The following PDCD6IP variants were observed in gnomAD, a reference collection of about 807,000 sequenced individuals.
PDCD6IP encodes programmed cell death 6-interacting protein.
PDCD6IP carries 43 observed loss-of-function variants against 103.7 expected under a neutral mutation model. That is an observed-to-expected ratio of 0.41 (90% CI 0.32 to 0.53). The LOEUF is 0.53. Ranked by LOEUF, PDCD6IP falls within the 20% of genes least tolerant of loss-of-function variation. The pLI is 0.16. For missense variants in PDCD6IP, 871 were observed against 1,036.7 expected, an observed-to-expected ratio of 0.84 and a Z score of 2.20; for synonymous variants, 354 against 378.7, an observed-to-expected ratio of 0.93 and a Z score of 0.76.
chr3:33,827,873 A>G (rs896848473), intron 6 of PDCD6IP: 1 of 152,308 alleles, frequency 6.6e-6, no homozygotes, highest in Admixed American at 6.5e-5. Flanking sequence ...AGGTATTTTC[A>G]TATTCTAGTT....
In PDCD6IP at chr3:33,863,994, G is replaced by A; in HGVS notation, c.2121-12G>A. On this transcript the variant is annotated splice_polypyrimidine_tract_variant and intron_variant, in intron 15 of 17. Transcript: ENST00000307296. ...CTATCATGTTAATTTTTAACACTCT[G>A]TCTTTGATAAGGGACTTGCAACAAA... is the stretch of plus-strand genomic sequence containing the variant. 2 of 1,592,528 alleles carry A rather than the reference G, an allele frequency of 1.3e-6. No homozygotes were observed. The highest frequency in any genetic ancestry group is 1.7e-6 in the Non-Finnish European group (2 of 1,161,486).
At chr3:33,818,357 C>T (rs1045708521) in intron 3 of PDCD6IP, among the ~76,000 whole-genome samples, 1 of 151,614 alleles carries the variant, frequency 6.6e-6, no homozygotes, top group East Asian at 1.9e-4. Flanking sequence ...CTCCGCCCAC[C>T]TTGCCTTCCC....
chr3:33,818,097 G>GTTTTTTTTTTTTTT (rs756780125), intron 3 of PDCD6IP, among the ~76,000 whole-genome samples: 1 of 68,086 alleles, frequency 1.5e-5, no homozygotes, highest in South Asian at 7.3e-4. Context: ...TTTCATTCTT[G>GTTTTTTTTTTTTTT]TTTTTTTTTT....
At position 33,852,141 on chromosome 3, in the gene PDCD6IP, G is replaced by A. The variant is rs1386202731; in HGVS notation, c.1642-347G>A. On this transcript the variant is annotated intron_variant, in intron 12 of 17. Coordinates refer to ENST00000307296, the MANE Select transcript of PDCD6IP (RefSeq NM_013374.6). ...ATGTCACTTAATTTTTCTGAGACTC[G>A]TTATCCCTATCTTTGGAATAGAGGT... Among the ~76,000 whole-genome samples, 12 of 152,120 alleles carry A rather than the reference G, an allele frequency of 7.9e-5. No individual in the cohort carries two copies. The South Asian group carries it at 1.7e-3, about 21-fold the overall frequency.
In PDCD6IP at chr3:33,866,850, C is replaced by T. The variant is rs1698077617; in HGVS notation, c.*325C>T. ...CTTTCTACATAAGACATGGTTGGGACATCAGATACTTACAAAGATGGTTTA... is the reference window on the plus strand; with the variant it reads ...CTTTCTACATAAGACATGGTTGGGATATCAGATACTTACAAAGATGGTTTA... On this transcript the variant is annotated 3_prime_UTR_variant, in exon 18 of 18. Transcript: ENST00000307296. 1 of 207,212 alleles carries T rather than the reference C, an allele frequency of 4.8e-6. No individual in the cohort carries two copies. The allele number at this position is 207,212 out of a possible 1,614,324, so 12.8% of individuals were successfully genotyped here.
At chr3:33,804,854 A>T (rs990221955) in intron 1 of PDCD6IP, among the ~76,000 whole-genome samples, 5 of 152,242 alleles carry the variant, frequency 3.3e-5, no homozygotes, top group African/African-American at 7.2e-5. Context: ...GTGTGAAAAT[A>T]AAGTTCACAA....
chr3:33,829,675 T>C (rs1697205196), intron 7 of PDCD6IP, among the ~76,000 whole-genome samples: 1 of 152,150 alleles, frequency 6.6e-6, no homozygotes, highest in Non-Finnish European at 1.5e-5. Flanking sequence ...AGACAGAGGA[T>C]AGAAAGATGA....
chr3:33,831,682 T>C (rs763938453), intron 7 of PDCD6IP, among the ~76,000 whole-genome samples: 3 of 152,112 alleles, frequency 2.0e-5, no homozygotes, highest in Non-Finnish European at 2.9e-5. Context: ...CCATCCATTA[T>C]TCCTACTGCC....
In PDCD6IP at chr3:33,866,538, G is replaced by A; in HGVS notation, c.*13G>A. ...TCCACAGCAGTAATATGTCTGCTCAGCAGCTCAGCTGATTCAGATCAGAGG... is the reference window on the plus strand; with the variant it reads ...TCCACAGCAGTAATATGTCTGCTCAACAGCTCAGCTGATTCAGATCAGAGG... On this transcript the variant is annotated 3_prime_UTR_variant, in exon 18 of 18. Transcript: ENST00000307296. The A allele has an allele frequency of 6.3e-7, 1 of 1,583,302 alleles. No individual in the cohort carries two copies. Among genetic ancestry groups the A allele is most frequent in the South Asian group, 1.2e-5 (1 of 85,150 alleles).
At chr3:33,802,731 C>A (rs972770120) in intron 1 of PDCD6IP, among the ~76,000 whole-genome samples, 2 of 152,168 alleles carry the variant, frequency 1.3e-5, no homozygotes, top group African/African-American at 4.8e-5. Context: ...CTCGGGTGAT[C>A]CACCCGCCTC....
chr3:33,821,852 T>G, intron 3 of PDCD6IP, 103 bp from the exon 4 acceptor site: 191 of 1,100,644 alleles, frequency 1.7e-4, no homozygotes, highest in Non-Finnish European at 2.1e-4. Flanking sequence ...CTTGTTTTTG[T>G]GAGAGTCAGC....
chr3:33,838,882 T>C (rs1172778594), intron 9 of PDCD6IP, among the ~76,000 whole-genome samples: 1 of 152,074 alleles, frequency 6.6e-6, no homozygotes, highest in African/African-American at 2.4e-5. Flanking sequence ...CATGGCTCAC[T>C]GCAGTCTCAA....
intron 12 of PDCD6IP, among the ~76,000 whole-genome samples, chr3:33,851,505 T>C (rs531169312): frequency 2.6e-5 from 4 of 152,272 alleles, no homozygotes; most frequent in African/African-American, 9.6e-5. Flanking sequence ...AGGGTTTCTC[T>C]CTGTCACCCA....
At chr3:33,825,976 A>G (rs1235276497) in intron 5 of PDCD6IP, among the ~76,000 whole-genome samples, 1 of 152,174 alleles carries the variant, frequency 6.6e-6, no homozygotes, top group East Asian at 1.9e-4. Context: ...CCTGGGAATG[A>G]GGGAATAAGA....
Position 33,800,085 on chromosome 3 carries a change from A to C in PDCD6IP, c.209+1148A>C, listed in dbSNP as rs568380086. 2.0e-3 allele frequency among the ~76,000 whole-genome samples: 272 copies of C among 137,998 alleles called. 3 individuals are homozygous for C. Among genetic ancestry groups the C allele is most frequent in the Admixed American group, 4.0e-3 (49 of 12,280 alleles). 90.5% of individuals were successfully genotyped at this position (137,998 alleles called of 152,430 possible). A position where few individuals can be genotyped will look rare whatever the true frequency, so the allele number is the denominator to read the frequency against. On this transcript the variant is annotated intron_variant, in intron 1 of 17. Transcript: ENST00000307296. The stretch of plus-strand genomic sequence containing the variant: ...CAGTGAGCCGAGATCGCGCCACTGC[A>C]CTCCAGCCTGGGCGACAGAGTGAGA...
At chr3:33,837,997 A>G (rs369379070) in intron 8 of PDCD6IP, among the ~76,000 whole-genome samples, 2 of 152,174 alleles carry the variant, frequency 1.3e-5, no homozygotes, top group African/African-American at 4.8e-5. Context: ...GAAACTTTTC[A>G]TTGTTGCCGT....
rs1249901446 is a variant in PDCD6IP at position 33,868,231 on chromosome 3, C to G, written c.*1706C>G. ...TTCTTATTACTTGAGGTACTTTATA[C>G]TAACATAAGACAGTGAGAGTTAGAG... On this transcript the variant is annotated 3_prime_UTR_variant, in exon 18 of 18. Transcript: ENST00000307296. 1.3e-5 allele frequency: 2 copies of G among 152,136 alleles called. No homozygotes were observed. The highest frequency in any genetic ancestry group is 2.9e-5 in the Non-Finnish European group (2 of 68,018). The allele number at this position is 152,136 out of a possible 1,614,324, so 9.4% of individuals were successfully genotyped here.
rs1173001903 is a variant in PDCD6IP, at chr3:33,812,168, C to T, written c.264+42C>T. On this transcript the variant is annotated intron_variant, in intron 2 of 17. Coordinates refer to ENST00000307296, the MANE Select transcript of PDCD6IP (RefSeq NM_013374.6). ...GTCTTAAAATTATATGGTAATAGCA[C>T]CCATTTCCTTCTGCCAATATCTTCA... The T allele has an allele frequency of 1.9e-6, 3 of 1,570,890 alleles. No individual in the cohort carries two copies. The South Asian group carries it at 3.6e-5, about 19-fold the overall frequency.
intron 3 of PDCD6IP, among the ~76,000 whole-genome samples, chr3:33,821,297 A>C (rs1696986941): frequency 6.6e-6 from 1 of 152,082 alleles, no homozygotes; most frequent in African/African-American, 2.4e-5. Flanking sequence ...GGAGTGAGCC[A>C]CCATGCCCAA....
Sources: gnomAD v4.1 joint callset for allele counts (sites outside exome capture counted in the v4.1 genomes callset) on GRCh38, gnomAD v4.1.1 for gene constraint, MANE v1.5 for transcripts, NCBI Gene and HGNC (gene_info 2026-07-23, HGNC 2026-07-21) for gene names.